The following LRP1 variants were observed in gnomAD, a reference collection of about 807,000 sequenced individuals.
LRP1 encodes the protein prolow-density lipoprotein receptor-related protein 1.
In LRP1, 51 loss-of-function variants were observed where a neutral mutation model predicts 541.5. That is an observed-to-expected ratio of 0.09 (90% CI 0.08 to 0.12). The LOEUF is 0.12. Among genes scored for constraint, LRP1 ranks in the 10% least tolerant of loss-of-function variants. LRP1 has a pLI of 1.00. For synonymous variants in LRP1, 2,219 were observed against 2,470.8 expected, an observed-to-expected ratio of 0.90 and a Z score of 3.02; for missense variants, 3,878 against 6,376.2, an observed-to-expected ratio of 0.61 and a Z score of 13.34.
Position 57,212,366 on chromosome 12 carries a change from C to G in LRP1, c.13495-49C>G, listed in dbSNP as rs1209055829. Reference sequence around the variant, plus strand: ...GGAGGTGGGGGTGGGGTAACCTGGGCTACAGGCCCAGCTCCTGAGCCCTAC... The same window carrying G: ...GGAGGTGGGGGTGGGGTAACCTGGGGTACAGGCCCAGCTCCTGAGCCCTAC... On this transcript the variant is annotated intron_variant, in intron 88 of 88. Transcript: ENST00000243077. This position sits in a 1 kb window ranked among gnomAD's most constrained non-coding sequence, Gnocchi z 5.0. 1.9e-6 allele frequency: 3 copies of G among 1,613,828 alleles called. No homozygotes were observed. Among genetic ancestry groups the G allele is most frequent in the Non-Finnish European group, 2.5e-6 (3 of 1,179,920 alleles).
chr12:57,211,325 A>G lies in LRP1; in HGVS notation c.13066A>G (p.Lys4356Glu). 6.2e-7 allele frequency: 1 copy of G among 1,614,094 alleles called. No individual in the cohort carries two copies. The highest frequency in any genetic ancestry group is 8.5e-7 in the Non-Finnish European group (1 of 1,180,014). ...RCLEGACVVN[K>E]QSGDVTCNCT... ...TCTCGAAGGGGCCTGTGTGGTCAAC[A>G]AGCAGAGTGGGGATGTCACCTGCAA... Residue 4356 changes from lysine to glutamate, a missense_variant, in exon 84 of 89, where the codon AAG becomes GAG. Physicochemically the swap from Lys to Glu is moderately conservative, Grantham distance 56. Around this residue, in one of 13 missense-constraint regions of LRP1, gnomAD observed 871 missense variants for 1,212.4 expected, o/e 0.72. Transcript: ENST00000243077. This position sits in a 1 kb window ranked among gnomAD's most constrained non-coding sequence, Gnocchi z 4.3.
At chr12:57,171,759 G>C (rs1157155713) in intron 20 of LRP1, among the ~76,000 whole-genome samples, 1 of 152,120 alleles carries the variant, frequency 6.6e-6, no homozygotes, top group Non-Finnish European at 1.5e-5. Context: ...GGTAGGGAAG[G>C]GGGAGGAGCG....
intron 13 of LRP1, 43 bp downstream of exon 13, chr12:57,161,158 C>T: frequency 1.9e-6 from 3 of 1,583,508 alleles, no homozygotes; most frequent in Non-Finnish European, 2.6e-6. Flanking sequence ...GTGTGTGTTG[C>T]TAGACCATGC....
rs1265476100 is a variant in LRP1, at chr12:57,183,182, A to G, written c.5663-197A>G. 6.6e-6 allele frequency among the ~76,000 whole-genome samples: 1 copy of G among 152,182 alleles called. No individual in the cohort carries two copies. Among genetic ancestry groups the G allele is most frequent in the Non-Finnish European group, 1.5e-5 (1 of 68,026 alleles). ...CTAGGGGTCCTGCAGGTGGTTCCCC[A>G]GAGCTACCAGCCAGGTGCGCTTCCT... On this transcript the variant is annotated intron_variant, in intron 34 of 88. Transcript: ENST00000243077. The surrounding 1 kb of genome is among the most constrained non-coding windows in gnomAD (Gnocchi z 6.1).
At position 57,173,104 on chromosome 12, in the gene LRP1, A is replaced by G; in HGVS notation, c.3164-64A>G. ...TGGGCTTACCGGGGTGGCAGGGCACAGGGATGAGGAGGGCTGACCTGGGCA... is the reference window on the plus strand; with the variant it reads ...TGGGCTTACCGGGGTGGCAGGGCACGGGGATGAGGAGGGCTGACCTGGGCA... On this transcript the variant is annotated intron_variant, in intron 20 of 88. Coordinates refer to ENST00000243077, the MANE Select transcript of LRP1 (RefSeq NM_002332.3). This position sits in a 1 kb window ranked among gnomAD's most constrained non-coding sequence, Gnocchi z 4.7. 7.2e-7 allele frequency: 1 copy of G among 1,395,858 alleles called. No homozygotes were observed. The highest frequency in any genetic ancestry group is 2.6e-4 in the Middle Eastern group (1 of 3,838). The allele number at this position is 1,395,858 out of a possible 1,614,324, so 86.5% of individuals were successfully genotyped here. A position where few individuals can be genotyped will look rare whatever the true frequency, so the allele number is the denominator to read the frequency against.
In LRP1 at chr12:57,190,910, C is replaced by T. The variant is rs1165722554; in HGVS notation, c.7137C>T (p.Pro2379=). The T allele has an allele frequency of 1.2e-6, 2 of 1,613,710 alleles. No homozygotes were observed. Among genetic ancestry groups the T allele is most frequent in the Admixed American group, 1.7e-5 (1 of 60,018 alleles). The change falls in exon 43 of 89, where the codon CCC becomes CCT. Residue 2379 remains proline (P), a synonymous_variant. Coordinates refer to ENST00000243077, the MANE Select transcript of LRP1 (RefSeq NM_002332.3). The part of the protein sequence containing the change: ...LTLIEKDIRT[P]NGLAIDHRAE... ...TTATCGAGAAGGACATCCGTACCCCCAATGGCCTGGCCATCGACCACCGTG... is the reference window on the plus strand; with the variant it reads ...TTATCGAGAAGGACATCCGTACCCCTAATGGCCTGGCCATCGACCACCGTG...
intron 48 of LRP1, 47 bp from the exon 49 acceptor site, chr12:57,194,307 G>A: frequency 6.6e-7 from 1 of 1,503,786 alleles, no homozygotes; most frequent in African/African-American, 1.4e-5. Context: ...CCAGTCGGGG[G>A]TGATCCAGGG....
chr12:57,164,548 G>C (rs1592623301), intron 15 of LRP1: 1 of 152,196 alleles, frequency 6.6e-6, no homozygotes, highest in Non-Finnish European at 1.5e-5. Flanking sequence ...GCTCAGCACT[G>C]TCATGGACAT....
At chr12:57,140,114 CT>C (rs921486125) in intron 2 of LRP1, among the ~76,000 whole-genome samples, 2 of 148,534 alleles carry the variant, frequency 1.3e-5, no homozygotes, top group African/African-American at 4.9e-5. Flanking sequence ...TTTTTTTTTT[CT>C]TTTTTTGAAA....
At chr12:57,145,586 T>C in intron 6 of LRP1, 96 bp downstream of exon 6, 1 of 1,456,164 alleles carries the variant, frequency 6.9e-7, no homozygotes, top group African/African-American at 1.4e-5. Context: ...TTACACAGGA[T>C]GGTCCTGTCT....
At position 57,196,317 on chromosome 12, in the gene LRP1, G is replaced by A. The variant is rs371073311; in HGVS notation, c.8892+40G>A. 1.2e-3 allele frequency: 1,828 copies of A among 1,494,266 alleles called. 32 individuals are homozygous for A. The South Asian group carries it at 0.022, about 18-fold the overall frequency. 92.6% of individuals were successfully genotyped at this position (1,494,266 alleles called of 1,614,324 possible). A position where few individuals can be genotyped will look rare whatever the true frequency, so the allele number is the denominator to read the frequency against. ...GGGGAGGAGCTTCCACACCCCAGAC[G>A]TGCCAGGAACGCCTTTCTCCACTGC... On this transcript the variant is annotated intron_variant, in intron 55 of 88. Coordinates refer to ENST00000243077, the MANE Select transcript of LRP1 (RefSeq NM_002332.3).
At chr12:57,209,613 A>G (rs2036862954) in intron 79 of LRP1, 79 bp from the exon 80 acceptor site, 1 of 1,251,942 alleles carries the variant, frequency 8.0e-7, no homozygotes, top group Non-Finnish European at 1.2e-6. Context: ...TCTGGGAACC[A>G]CAGGTGCCAG....
At position 57,209,196 on chromosome 12, in the gene LRP1, C is replaced by A. The variant is rs1354423238; in HGVS notation, c.12259C>A (p.Arg4087=). 1 of 1,613,142 alleles carries A rather than the reference C, an allele frequency of 6.2e-7. No individual in the cohort carries two copies. Among genetic ancestry groups the A allele is most frequent in the Admixed American group, 1.7e-5 (1 of 59,996 alleles). Residue 4087 remains arginine, a synonymous_variant, in exon 79 of 89, where the codon CGA becomes AGA. Transcript: ENST00000243077. ...TDPIVAADSK[R]GLSHPFSIDV... is the part of the protein sequence containing the mutation. Reference sequence around the variant, plus strand: ...CCCCATTGTGGCTGCTGACAGCAAACGAGGTCAGAGCCCGGCATAAGTCGC... The same window carrying A: ...CCCCATTGTGGCTGCTGACAGCAAAAGAGGTCAGAGCCCGGCATAAGTCGC...
intron 1 of LRP1, among the ~76,000 whole-genome samples, chr12:57,132,728 C>T (rs1157008897): frequency 1.3e-5 from 2 of 152,206 alleles, no homozygotes; most frequent in African/African-American, 4.8e-5. Flanking sequence ...GTGACATTCT[C>T]TGCCCTGCTT....
At position 57,166,222 on chromosome 12, in the gene LRP1, G is replaced by A. The variant is rs1472029858; in HGVS notation, c.2797+13G>A. 1 of 1,593,028 alleles carries A rather than the reference G, an allele frequency of 6.3e-7. No individual in the cohort carries two copies. The highest frequency in any genetic ancestry group is 1.8e-5 in the Admixed American group (1 of 56,860). On this transcript the variant is annotated intron_variant, in intron 17 of 88. Coordinates refer to ENST00000243077, the MANE Select transcript of LRP1 (RefSeq NM_002332.3). ...GCCACTTGTTCAGGTGTGGAGCGGG[G>A]CTCAGATCACACGAGGCACCCCTCA...
chr12:57,200,109 T>C lies in LRP1; in HGVS notation c.10014+84T>C. ...TTGGACCCCAACACCTGCTCTGTCC[T>C]AATGTCCTCATGCATCTGGTTTTCC... On this transcript the variant is annotated intron_variant, in intron 62 of 88. Transcript: ENST00000243077. 6.5e-6 allele frequency: 8 copies of C among 1,229,080 alleles called. No individual in the cohort carries two copies. In the East Asian group the frequency reaches 1.7e-4, roughly 26 times the overall value. 76.1% of individuals were successfully genotyped at this position (1,229,080 alleles called of 1,614,324 possible). A position where few individuals can be genotyped will look rare whatever the true frequency, so the allele number is the denominator to read the frequency against.
Position 57,210,287 on chromosome 12 carries a change from T to G in LRP1, c.12581-20T>G. On this transcript the variant is annotated intron_variant, in intron 81 of 88. Transcript: ENST00000243077. ...CCTCCTATTCCCCTGGCTCTGCCCCTTGACGGGCCCTTCCTGCAGCTCCCC... is the reference window on the plus strand; with the variant it reads ...CCTCCTATTCCCCTGGCTCTGCCCCGTGACGGGCCCTTCCTGCAGCTCCCC... 6.5e-7 allele frequency: 1 copy of G among 1,549,378 alleles called. No individual in the cohort carries two copies. Among genetic ancestry groups the G allele is most frequent in the Non-Finnish European group, 8.7e-7 (1 of 1,144,134 alleles).
rs140707279 is a variant in LRP1 at position 57,185,807 on chromosome 12, C to T, written c.6740C>T (p.Thr2247Ile). 6 of 1,614,202 alleles carry T rather than the reference C, an allele frequency of 3.7e-6. No homozygotes were observed. Among genetic ancestry groups the T allele is most frequent in the East Asian group, 2.2e-5 (1 of 44,882 alleles). Residue 2247 changes from threonine to isoleucine, a missense_variant, in exon 41 of 89, where the codon ACC becomes ATC. Around this residue, in one of 13 missense-constraint regions of LRP1, gnomAD observed 1,100 missense variants for 1,827.4 expected, o/e 0.60. Coordinates refer to ENST00000243077, the MANE Select transcript of LRP1 (RefSeq NM_002332.3). The surrounding 1 kb of genome is among the most constrained non-coding windows in gnomAD (Gnocchi z 4.9). ...CTGGCCTTTGACTACCGGGCAGGCA[C>T]CTCTCCGGGCACCCCCAATCGCATC... is the stretch of plus-strand genomic sequence containing the variant. ...IALAFDYRAGTSPGTPNRIFF... is the reference protein window; with the variant it reads ...IALAFDYRAGISPGTPNRIFF...
At chr12:57,174,487 G>A (rs2036005482) in intron 22 of LRP1, among the ~76,000 whole-genome samples, 1 of 152,178 alleles carries the variant, frequency 6.6e-6, no homozygotes, top group Admixed American at 6.5e-5. Flanking sequence ...GAGTGAGAAG[G>A]CATGGGGGCA....
Sources: gnomAD v4.1 joint callset for allele counts (sites outside exome capture counted in the v4.1 genomes callset) on GRCh38, gnomAD v4.1.1 for gene constraint, gnomAD v4.1.1 regional missense constraint, Gnocchi (gnomAD v3.1) non-coding constraint, MANE v1.5 for transcripts, NCBI Gene and HGNC (gene_info 2026-07-23, HGNC 2026-07-21) for gene names.